CLSTN2: variants seen among roughly 807,000 people sequenced by gnomAD.
CLSTN2 encodes calsyntenin-2.
In CLSTN2, 48 loss-of-function variants were observed where a neutral mutation model predicts 101.2. That is an observed-to-expected ratio of 0.47 (90% CI 0.38 to 0.60). The LOEUF is 0.60. Ranked by LOEUF, CLSTN2 falls within the 20% of genes least tolerant of loss-of-function variation. The pLI is 0.00. For synonymous variants in CLSTN2, 481 were observed against 463.6 expected (o/e 1.04, Z -0.48); for missense variants, 1,160 against 1,238.2 (o/e 0.94, Z 0.95).
intron 1 of CLSTN2, among the ~76,000 whole-genome samples, chr3:140,107,645 C>T (rs1309386607): frequency 1.3e-5 from 2 of 152,158 alleles, no homozygotes; most frequent in African/African-American, 4.8e-5. Context: ...GTCTCATCAA[C>T]CAGTAGCTCC....
At chr3:140,041,305 A>G (rs1279474107) in intron 1 of CLSTN2, among the ~76,000 whole-genome samples, 25 of 152,184 alleles carry the variant, frequency 1.6e-4, no homozygotes, top group Non-Finnish European at 1.5e-5. Context: ...GCTCTGCACC[A>G]GTGACCATTT....
At chr3:140,558,881 G>A (rs1935857682) in intron 12 of CLSTN2, 24 bp downstream of exon 12, 1 of 1,601,954 alleles carries the variant, frequency 6.2e-7, no homozygotes, top group Admixed American at 1.7e-5. Flanking sequence ...TGAGTTTGTG[G>A]GGAGGGTGGA....
intron 8 of CLSTN2, among the ~76,000 whole-genome samples, chr3:140,498,169 A>C (rs370349908): frequency 2.0e-4 from 30 of 152,352 alleles, no homozygotes; most frequent in African/African-American, 7.0e-4. Flanking sequence ...TAAAGCAATT[A>C]CTAACTAAAA....
intron 5 of CLSTN2, among the ~76,000 whole-genome samples, chr3:140,428,934 G>A (rs777154067): frequency 6.6e-5 from 10 of 152,112 alleles, no homozygotes; most frequent in Non-Finnish European, 1.5e-4. Flanking sequence ...GGGGATCTTG[G>A]TAAAATGCAG....
chr3:139,949,536 T>G (rs954493921), intron 1 of CLSTN2, among the ~76,000 whole-genome samples: 2 of 152,144 alleles, frequency 1.3e-5, no homozygotes, highest in Non-Finnish European at 2.9e-5. Flanking sequence ...CAGCTGGGGT[T>G]AGGGACCTTT....
At chr3:140,421,351 A>G in intron 5 of CLSTN2, 77 bp downstream of exon 5, 2 of 1,524,476 alleles carry the variant, frequency 1.3e-6, no homozygotes, top group South Asian at 1.2e-5. Flanking sequence ...TCCTCAAATC[A>G]TCACAACACA....
chr3:140,025,850 G>A (rs542493842), intron 1 of CLSTN2, among the ~76,000 whole-genome samples: 1 of 152,300 alleles, frequency 6.6e-6, no homozygotes, highest in East Asian at 1.9e-4. Flanking sequence ...GGAGACAGAA[G>A]CAGCTCACTG....
At chr3:140,508,767 A>C (rs1934735476) in intron 8 of CLSTN2, 3 of 152,260 alleles carry the variant, frequency 2.0e-5, no homozygotes, top group Admixed American at 6.5e-5. Flanking sequence ...ATCTGTGCCC[A>C]GGGCCCTGAC....
At chr3:140,137,992 C>T (rs1489097589) in intron 1 of CLSTN2, among the ~76,000 whole-genome samples, 1 of 152,134 alleles carries the variant, frequency 6.6e-6, no homozygotes, top group South Asian at 2.1e-4. Context: ...GTAACATGCA[C>T]AGAACCATAC....
chr3:140,339,096 G>A (rs186135041), intron 2 of CLSTN2, among the ~76,000 whole-genome samples: 233 of 152,312 alleles, frequency 1.5e-3, no homozygotes, highest in Middle Eastern at 3.4e-3. Flanking sequence ...CTGCTCCTTG[G>A]ATGCTGGCTC....
intron 5 of CLSTN2, among the ~76,000 whole-genome samples, chr3:140,436,974 G>A (rs1437895168): frequency 1.3e-5 from 2 of 151,964 alleles, no homozygotes; most frequent in Non-Finnish European, 2.9e-5. Context: ...CTGCATCTCT[G>A]GTTGTAGCAG....
At chr3:140,191,532 T>G (rs2010565850) in intron 2 of CLSTN2, among the ~76,000 whole-genome samples, 1 of 151,968 alleles carries the variant, frequency 6.6e-6, no homozygotes, top group African/African-American at 2.4e-5. Flanking sequence ...TCCATGACAG[T>G]GCTTTTAGGG....
At chr3:140,469,808 G>A (rs1033728889) in intron 8 of CLSTN2, among the ~76,000 whole-genome samples, 2 of 152,206 alleles carry the variant, frequency 1.3e-5, no homozygotes, top group African/African-American at 4.8e-5. Flanking sequence ...GAGATGAAGT[G>A]AGGCAGGGGA....
At chr3:140,286,734 C>T (rs2086899066) in intron 2 of CLSTN2, among the ~76,000 whole-genome samples, 2 of 152,164 alleles carry the variant, frequency 1.3e-5, no homozygotes, top group African/African-American at 4.8e-5. Context: ...GAGCCTGCTC[C>T]ACTTCACATG....
intron 1 of CLSTN2, among the ~76,000 whole-genome samples, chr3:139,958,538 G>A (rs1481882973): frequency 8.6e-5 from 13 of 151,982 alleles, no homozygotes; most frequent in Admixed American, 2.6e-4. Flanking sequence ...TTATGTCCAG[G>A]GTGGTATAAT....
chr3:139,986,207 C>T (rs750577502), intron 1 of CLSTN2, among the ~76,000 whole-genome samples: 1 of 152,108 alleles, frequency 6.6e-6, no homozygotes, highest in African/African-American at 2.4e-5. Context: ...TTTTATAAAG[C>T]AAGTTTCAGA....
chr3:140,157,206 T>A (rs1356779199), intron 1 of CLSTN2, among the ~76,000 whole-genome samples: 3 of 152,008 alleles, frequency 2.0e-5, no homozygotes, highest in Admixed American at 6.6e-5. Context: ...TAAAGGTTTT[T>A]TTTTTCCCCA....
chr3:140,113,908 T>C (rs976713673), intron 1 of CLSTN2, among the ~76,000 whole-genome samples: 1 of 152,190 alleles, frequency 6.6e-6, no homozygotes, highest in Admixed American at 6.5e-5. Context: ...ATAAGTGATA[T>C]GTAGTGTGGG....
At position 140,448,499 on chromosome 3, in the gene CLSTN2, T is replaced by G. The variant is rs1226361456; in HGVS notation, c.788-20T>G. ...CTGACTGCACCTGATTCACTTTTCA[T>G]CCTTTCCTTGTTTGTTTAGACTGGA... On this transcript the variant is annotated intron_variant, in intron 5 of 16. Coordinates refer to ENST00000458420, the MANE Select transcript of CLSTN2 (RefSeq NM_022131.3). 2 of 1,594,322 alleles carry G rather than the reference T, an allele frequency of 1.3e-6. No individual in the cohort carries two copies. Among genetic ancestry groups the G allele is most frequent in the Non-Finnish European group, 1.7e-6 (2 of 1,164,866 alleles).
Sources: gnomAD v4.1 joint callset for allele counts (sites outside exome capture counted in the v4.1 genomes callset) on GRCh38, gnomAD v4.1.1 for gene constraint, MANE v1.5 for transcripts, NCBI Gene and HGNC (gene_info 2026-07-23, HGNC 2026-07-21) for gene names.